SLIT3: variants seen among roughly 807,000 people sequenced by gnomAD.
SLIT3 encodes the protein slit guidance ligand 3.
Under a neutral mutation model 184.0 loss-of-function variants are expected in SLIT3, and 68 were observed. The observed-to-expected ratio is 0.37, with a 90% CI of 0.30 to 0.45. SLIT3 has a LOEUF of 0.45. Among genes scored for constraint, SLIT3 ranks in the 20% least tolerant of loss-of-function variants. SLIT3 has a pLI of 1.00. For synonymous variants in SLIT3, 831 were observed against 828.6 expected (o/e 1.00, Z -0.05); for missense variants, 1,707 against 2,026.0 (o/e 0.84, Z 3.02).
intron 29 of SLIT3, among the ~76,000 whole-genome samples, chr5:168,690,048 T>A (rs766994105): frequency 7.9e-5 from 12 of 152,162 alleles, no homozygotes; most frequent in Non-Finnish European, 1.6e-4. Flanking sequence ...AGGAATAAGT[T>A]CTGGGGATCA....
At chr5:169,240,286 T>C (rs185505532) in intron 3 of SLIT3, among the ~76,000 whole-genome samples, 1 of 152,074 alleles carries the variant, frequency 6.6e-6, no homozygotes, top group East Asian at 1.9e-4. Flanking sequence ...TAATATTCTA[T>C]ATTTTTACCA....
At chr5:168,725,148 G>T (rs1288805201) in intron 20 of SLIT3, among the ~76,000 whole-genome samples, 1 of 152,072 alleles carries the variant, frequency 6.6e-6, no homozygotes, top group African/African-American at 2.4e-5. Flanking sequence ...GAGGGGACAG[G>T]GGTTCAGAGT....
chr5:169,139,587 C>T (rs1761649917), intron 4 of SLIT3, among the ~76,000 whole-genome samples: 1 of 152,100 alleles, frequency 6.6e-6, no homozygotes, highest in Non-Finnish European at 1.5e-5. Flanking sequence ...CACTAGCCCA[C>T]CCCCCCAGGG....
intron 5 of SLIT3, among the ~76,000 whole-genome samples, chr5:168,877,741 T>G (rs1156487372): frequency 1.3e-5 from 2 of 152,208 alleles, no homozygotes; most frequent in African/African-American, 2.4e-5. Flanking sequence ...TTCTGCTAGC[T>G]GGCAGAGACA....
intron 4 of SLIT3, among the ~76,000 whole-genome samples, chr5:169,191,623 G>A (rs1037294782): frequency 6.6e-6 from 1 of 152,128 alleles, no homozygotes; most frequent in African/African-American, 2.4e-5. Context: ...CTTTACTGAT[G>A]ATATTTAGAT....
chr5:168,744,066 G>A (rs555569277), intron 20 of SLIT3, among the ~76,000 whole-genome samples: 1 of 152,188 alleles, frequency 6.6e-6, no homozygotes, highest in South Asian at 2.1e-4. Context: ...GGGGCGGGTG[G>A]ATCATAAGGT....
At chr5:169,084,963 C>T (rs991528592) in intron 4 of SLIT3, among the ~76,000 whole-genome samples, 11 of 152,180 alleles carry the variant, frequency 7.2e-5, no homozygotes, top group Non-Finnish European at 1.5e-4. Flanking sequence ...CCCGTGTCTC[C>T]CAGCAGGAGT....
intron 20 of SLIT3, among the ~76,000 whole-genome samples, chr5:168,742,720 C>T (rs2113435855): frequency 7.0e-6 from 1 of 142,484 alleles, no homozygotes; most frequent in Admixed American, 7.3e-5. Context: ...GGTATATTAG[C>T]TTTCCTCCTG....
At chr5:169,046,746 T>C (rs990707448) in intron 4 of SLIT3, among the ~76,000 whole-genome samples, 1 of 152,240 alleles carries the variant, frequency 6.6e-6, no homozygotes, top group Non-Finnish European at 1.5e-5. Flanking sequence ...GAGCATGTTC[T>C]TGAGAGTATT....
chr5:168,824,787 C>T (rs1009325562), intron 6 of SLIT3, among the ~76,000 whole-genome samples: 9 of 152,226 alleles, frequency 5.9e-5, no homozygotes, highest in African/African-American at 2.2e-4. Flanking sequence ...AATCCAATTC[C>T]TCTTACCCTC....
Position 169,102,139 on chromosome 5 carries a change from C to A in SLIT3, c.413+91340G>T, listed in dbSNP as rs189950416. Among the ~76,000 whole-genome samples, 26 of 152,276 alleles carry A rather than the reference C, an allele frequency of 1.7e-4. No individual in the cohort carries two copies. The East Asian group carries it at 4.8e-3, about 28-fold the overall frequency. On this transcript the variant is annotated intron_variant, in intron 4 of 35. Transcript: ENST00000519560. ...GAGGGCAGGCAATTTGCCCAGCAGTCCCCAGAAAGTTATGCCATTGCCTGT... is the reference window on the plus strand; with the variant it reads ...GAGGGCAGGCAATTTGCCCAGCAGTACCCAGAAAGTTATGCCATTGCCTGT...
intron 29 of SLIT3, among the ~76,000 whole-genome samples, chr5:168,688,548 G>A (rs567084287): frequency 4.0e-4 from 61 of 152,326 alleles, no homozygotes; most frequent in Non-Finnish European, 6.5e-4. Context: ...GGTAAGACAC[G>A]GAGGGGGTGA....
intron 4 of SLIT3, among the ~76,000 whole-genome samples, chr5:169,065,918 G>A (rs1481608945): frequency 6.6e-6 from 1 of 152,176 alleles, no homozygotes; most frequent in African/African-American, 2.4e-5. Flanking sequence ...CTTAATGGCT[G>A]CCATCCTTGT....
intron 6 of SLIT3, 38 bp downstream of exon 6, chr5:168,844,546 C>G: frequency 6.3e-7 from 1 of 1,586,666 alleles, no homozygotes; most frequent in Non-Finnish European, 8.7e-7. Context: ...CACACACATG[C>G]ACGCACACAC....
intron 4 of SLIT3, among the ~76,000 whole-genome samples, chr5:168,946,953 G>C (rs1762499821): frequency 1.3e-5 from 2 of 152,070 alleles, no homozygotes; most frequent in Admixed American, 1.3e-4. Flanking sequence ...TTTTTTCAAA[G>C]AGAAAAGATT....
chr5:169,194,107 T>G (rs746004312), intron 3 of SLIT3, among the ~76,000 whole-genome samples: 1 of 151,764 alleles, frequency 6.6e-6, no homozygotes, highest in African/African-American at 2.4e-5. Flanking sequence ...TCGTGCTGCA[T>G]GCCTGTAGTC....
intron 1 of SLIT3, among the ~76,000 whole-genome samples, chr5:169,277,062 T>A (rs1469126566): frequency 6.6e-6 from 1 of 152,134 alleles, no homozygotes; most frequent in Non-Finnish European, 1.5e-5. Flanking sequence ...CAGCCCTAAC[T>A]CCCCTTTCTC....
chr5:168,729,711 A>G (rs1403799213), intron 20 of SLIT3, among the ~76,000 whole-genome samples: 2 of 152,158 alleles, frequency 1.3e-5, no homozygotes, highest in Non-Finnish European at 2.9e-5. Context: ...TAAAACTCAC[A>G]GTTCATATAA....
At chr5:168,922,573 CAAGGGG>C (rs1338309404) in intron 4 of SLIT3, among the ~76,000 whole-genome samples, 3 of 151,614 alleles carry the variant, frequency 2.0e-5, no homozygotes, top group African/African-American at 7.3e-5. Flanking sequence ...AAGGAGTCTG[CAAGGGG>C]AAGAGAGAGA....
Sources: allele counts gnomAD v4.1 joint callset (sites outside exome capture counted in the v4.1 genomes callset), GRCh38; gene constraint gnomAD v4.1.1; transcripts MANE v1.5; gene names NCBI Gene and HGNC (gene_info 2026-07-23, HGNC 2026-07-21).